The following PRPF6 variants were observed in gnomAD, a reference collection of about 807,000 sequenced individuals.
PRPF6 encodes the protein pre-mRNA processing factor 6.
PRPF6 carries 42 observed loss-of-function variants against 118.3 expected under a neutral mutation model. The ratio of observed to expected loss-of-function variants is 0.35; its 90% CI spans 0.28 to 0.46. PRPF6 has a LOEUF of 0.46. Ranked by LOEUF, PRPF6 falls within the 20% of genes least tolerant of loss-of-function variation. PRPF6 has a pLI of 1.00. For missense variants in PRPF6, 662 were observed against 1,255.7 expected, an observed-to-expected ratio of 0.53 and a Z score of 7.15; for synonymous variants, 481 against 485.1, an observed-to-expected ratio of 0.99 and a Z score of 0.11.
intron 2 of PRPF6, among the ~76,000 whole-genome samples, chr20:63,984,070 G>A (rs930159569): frequency 6.6e-6 from 1 of 152,110 alleles, no homozygotes; most frequent in Admixed American, 6.6e-5. Context: ...ACTGAATACC[G>A]ATTAACTGTC....
At chr20:64,001,272 T>C in intron 9 of PRPF6, 33 bp downstream of exon 9, 3 of 1,613,654 alleles carry the variant, frequency 1.9e-6, no homozygotes, top group Non-Finnish European at 2.5e-6. Flanking sequence ...GCTTTCTCCC[T>C]CCTTGGGGCC....
In PRPF6 at chr20:64,011,096, C is replaced by A. The variant is rs925389041; in HGVS notation, c.1306-189C>A. Among the ~76,000 whole-genome samples, 1 of 152,186 alleles carries A rather than the reference C, an allele frequency of 6.6e-6. No individual in the cohort carries two copies. The highest frequency in any genetic ancestry group is 1.5e-5 in the Non-Finnish European group (1 of 68,034). ...TGCTCACGAGAGTCACTAAATGAGT[C>A]AGAAGCATAAAGGAACAGTTGGTCA... On this transcript the variant is annotated intron_variant, in intron 10 of 20. Transcript: ENST00000266079. The surrounding 1 kb of genome is among the most constrained non-coding windows in gnomAD (Gnocchi z 6.7).
Position 64,032,838 on chromosome 20 carries a change from C to G in PRPF6, c.2674-3C>G, listed in dbSNP as rs765293042. 2 of 1,606,082 alleles carry G rather than the reference C, an allele frequency of 1.2e-6. No individual in the cohort carries two copies. Among genetic ancestry groups the G allele is most frequent in the South Asian group, 1.1e-5 (1 of 90,350 alleles). On this transcript the variant is annotated splice_region_variant and splice_polypyrimidine_tract_variant and intron_variant, in intron 20 of 20. Transcript: ENST00000266079. ...TGCCTGACGTGCCCTGTGGTCCCCC[C>G]AGGAGCAGCAGGAGGAGGTGAGGAA...
Position 64,028,642 on chromosome 20 carries a change from G to A in PRPF6, c.2431+73G>A. The A allele has an allele frequency of 6.5e-7, 1 of 1,548,322 alleles. No individual in the cohort carries two copies. Among genetic ancestry groups the A allele is most frequent in the Non-Finnish European group, 8.8e-7 (1 of 1,136,028 alleles). On this transcript the variant is annotated intron_variant, in intron 18 of 20. Transcript: ENST00000266079. The surrounding 1 kb of genome is among the most constrained non-coding windows in gnomAD (Gnocchi z 6.5). ...AGGGGGTGCCTTGACTCCGGTAAGG[G>A]GGTGCTTCCTGGCTTCCCAGACTCC...
chr20:64,014,873 A>G (rs1199163764), intron 11 of PRPF6, among the ~76,000 whole-genome samples: 4 of 152,142 alleles, frequency 2.6e-5, no homozygotes, highest in African/African-American at 9.7e-5. Flanking sequence ...GTTTGAGTCA[A>G]AGTATTGCTT....
intron 9 of PRPF6, among the ~76,000 whole-genome samples, chr20:64,002,417 C>A (rs2059171735): frequency 6.7e-6 from 1 of 149,606 alleles, no homozygotes; most frequent in African/African-American, 2.5e-5. Context: ...CTCACTGCAG[C>A]CTCTGCCTCC....
rs1219609268 is a variant in PRPF6, at chr20:64,029,166, G to C, written c.2432-211G>C. 1.3e-5 allele frequency among the ~76,000 whole-genome samples: 2 copies of C among 152,152 alleles called. No homozygotes were observed. The highest frequency in any genetic ancestry group is 2.9e-5 in the Non-Finnish European group (2 of 68,010). On this transcript the variant is annotated intron_variant, in intron 18 of 20. Transcript: ENST00000266079. The surrounding 1 kb of genome is among the most constrained non-coding windows in gnomAD (Gnocchi z 4.8). ...TGAATGACAGAGTGAGACTCTGCAG[G>C]GTGTCCAGTCTGTGCCCTCAGGGCT...
chr20:64,013,799 G>T (rs570929545), intron 11 of PRPF6, among the ~76,000 whole-genome samples: 1 of 152,120 alleles, frequency 6.6e-6, no homozygotes, highest in South Asian at 2.1e-4. Flanking sequence ...TAAAGTTTAC[G>T]ATTCAGTGGT....
intron 6 of PRPF6, among the ~76,000 whole-genome samples, chr20:63,995,806 A>ATGTG: frequency 6.6e-6 from 1 of 151,602 alleles, no homozygotes; most frequent in South Asian, 2.1e-4. Context: ...ACAGGTGCCC[A>ATGTG]CCACCACACC....
chr20:64,023,646 C>G (rs1569224411), intron 13 of PRPF6, among the ~76,000 whole-genome samples: 2 of 152,210 alleles, frequency 1.3e-5, no homozygotes, highest in African/African-American at 4.8e-5. Context: ...TGGCCCCCTC[C>G]CCATGCCCAC....
chr20:64,010,870 T>A (rs568041934), intron 10 of PRPF6, among the ~76,000 whole-genome samples: 1 of 152,214 alleles, frequency 6.6e-6, no homozygotes, highest in African/African-American at 2.4e-5. Context: ...TAAAAATGAA[T>A]AAAGCCCGTA....
chr20:64,027,248 G>A lies in PRPF6; in HGVS notation c.2205+90G>A. The A allele has an allele frequency of 6.6e-7, 1 of 1,507,220 alleles. No homozygotes were observed. The allele number at this position is 1,507,220 out of a possible 1,614,324, so 93.4% of individuals were successfully genotyped here. ...TGCAGGGTCATTGCCCTTCGCCTCT[G>A]AGGAGATGTGGAGGGCTGGGGGTTA... On this transcript the variant is annotated intron_variant, in intron 16 of 20. Coordinates refer to ENST00000266079, the MANE Select transcript of PRPF6 (RefSeq NM_012469.4). The surrounding 1 kb of genome is among the most constrained non-coding windows in gnomAD (Gnocchi z 6.5).
chr20:64,025,871 A>AT, intron 14 of PRPF6, 68 bp from the exon 15 acceptor site: 1 of 1,612,170 alleles, frequency 6.2e-7, no homozygotes, highest in South Asian at 1.1e-5. Context: ...CCTGCTTTTG[A>AT]TTAAGTGTGA....
chr20:64,016,663 G>C (rs145760660), intron 11 of PRPF6, 60 bp from the exon 12 acceptor site: 6 of 1,604,678 alleles, frequency 3.7e-6, no homozygotes, highest in Non-Finnish European at 5.1e-6. Context: ...CGTACTCCCC[G>C]TTGGGAATCT....
intron 9 of PRPF6, among the ~76,000 whole-genome samples, chr20:64,009,418 G>A (rs534781297): frequency 7.9e-5 from 12 of 151,344 alleles, no homozygotes; most frequent in African/African-American, 9.7e-5. Context: ...ACCCACACTC[G>A]ACCAAGGCAT....
intron 14 of PRPF6, among the ~76,000 whole-genome samples, chr20:64,025,510 C>T (rs2059285393): frequency 6.6e-6 from 1 of 152,240 alleles, no homozygotes; most frequent in Non-Finnish European, 1.5e-5. Context: ...CTCTCCTGCC[C>T]ATGTGGGCTC....
chr20:64,010,121 C>G, intron 9 of PRPF6, 79 bp from the exon 10 acceptor site: 1 of 1,239,680 alleles, frequency 8.1e-7, no homozygotes, highest in South Asian at 1.2e-5. Flanking sequence ...CTCATCCTGA[C>G]CAGCAGCATG....
intron 3 of PRPF6, among the ~76,000 whole-genome samples, chr20:63,986,202 A>G (rs189962634): frequency 1.3e-5 from 2 of 151,930 alleles, no homozygotes; most frequent in Admixed American, 6.6e-5. Flanking sequence ...TTAGCCGGGC[A>G]TGGTGGGTGG....
chr20:64,018,351 C>T (rs538628948), intron 12 of PRPF6, among the ~76,000 whole-genome samples: 1 of 152,166 alleles, frequency 6.6e-6, no homozygotes, highest in Admixed American at 6.5e-5. Flanking sequence ...GGACCACGGG[C>T]CAGTGATGCT....
Sources: gnomAD v4.1 joint callset for allele counts (sites outside exome capture counted in the v4.1 genomes callset) on GRCh38, gnomAD v4.1.1 for gene constraint, Gnocchi (gnomAD v3.1) non-coding constraint, MANE v1.5 for transcripts, NCBI Gene and HGNC (gene_info 2026-07-23, HGNC 2026-07-21) for gene names.